The following SLIT3 variants were observed in gnomAD, a reference collection of about 807,000 sequenced individuals.
SLIT3 encodes the protein slit guidance ligand 3, also known as slit homolog 3 protein.
In SLIT3, 68 loss-of-function variants were observed where a neutral mutation model predicts 184.0. That is an observed-to-expected ratio of 0.37 (90% confidence interval 0.30 to 0.45). The LOEUF (loss-of-function observed/expected upper bound fraction) is 0.45. SLIT3 is among the 20% of genes least tolerant of loss of function. SLIT3 has a pLI of 1.00. For missense variants in SLIT3, 1,707 were observed against 2,026.0 expected, an observed-to-expected ratio of 0.84 and a Z score of 3.02; for synonymous variants, 831 against 828.6, an observed-to-expected ratio of 1.00 and a Z score of -0.05.
chr5:168,943,937 C>T (rs1358502344), intron 4 of SLIT3, among the ~76,000 whole-genome samples: 1 of 152,192 alleles, frequency 6.6e-6, no homozygotes, highest in Non-Finnish European at 1.5e-5. Context: ...CTGAACAAAA[C>T]TCCTTGGCGA....
chr5:168,875,688 AAG>A (rs1403526269), intron 5 of SLIT3, among the ~76,000 whole-genome samples: 1 of 151,714 alleles, frequency 6.6e-6, no homozygotes, highest in African/African-American at 2.4e-5. Context: ...GAAAAAGAAA[AAG>A]AAATGAAAGG....
chr5:168,869,940 G>A (rs1257895573), intron 5 of SLIT3, among the ~76,000 whole-genome samples: 2 of 152,264 alleles, frequency 1.3e-5, no homozygotes, highest in African/African-American at 4.8e-5. Context: ...AGCTGTCGGT[G>A]TAAATGGACA....
chr5:169,054,607 G>A (rs1215489286), intron 4 of SLIT3, among the ~76,000 whole-genome samples: 2 of 151,934 alleles, frequency 1.3e-5, no homozygotes, highest in Admixed American at 6.6e-5. Context: ...CCCTTCTTAC[G>A]AGTTTATAAT....
chr5:169,293,098 C>A (rs1482996591), intron 1 of SLIT3, among the ~76,000 whole-genome samples: 1 of 152,166 alleles, frequency 6.6e-6, no homozygotes, highest in Non-Finnish European at 1.5e-5. Context: ...AACTGTACCA[C>A]ATACAGAATA....
intron 1 of SLIT3, among the ~76,000 whole-genome samples, chr5:169,292,268 C>T (rs1767382237): frequency 6.6e-6 from 1 of 152,186 alleles, no homozygotes; most frequent in South Asian, 2.1e-4. Flanking sequence ...CACACATATA[C>T]ATACACATTC....
rs116469295 is a variant in SLIT3 at position 169,143,267 on chromosome 5, T to C, written c.413+50212A>G. The stretch of plus-strand genomic sequence containing the variant: ...GTTACTATTTATTCTGGATTTACAG[T>C]TTGCTAAGGGCATTCCATGGAATGT... On this transcript the variant is annotated intron_variant, in intron 4 of 35. Transcript: ENST00000519560. Among the ~76,000 whole-genome samples, 1,162 of 152,318 alleles carry C rather than the reference T, an allele frequency of 7.6e-3. 17 individuals carry two copies. The highest frequency in any genetic ancestry group is 0.017 in the South Asian group (81 of 4,822).
chr5:168,966,249 T>C (rs1763187589), intron 4 of SLIT3, among the ~76,000 whole-genome samples: 1 of 152,152 alleles, frequency 6.6e-6, no homozygotes, highest in Admixed American at 6.5e-5. Context: ...GCCATGTATG[T>C]AGATTTTTAT....
At chr5:169,165,641 CTTCAAGTCCTT>C (rs1581007800) in intron 4 of SLIT3, among the ~76,000 whole-genome samples, 1 of 152,182 alleles carries the variant, frequency 6.6e-6, no homozygotes, top group African/African-American at 2.4e-5. Flanking sequence ...TTCAAGTCTT[CTTCAAGTCCTT>C]ACTCAAGTGT....
chr5:168,814,230 T>C (rs937065572), intron 8 of SLIT3, among the ~76,000 whole-genome samples: 5 of 152,044 alleles, frequency 3.3e-5, no homozygotes, highest in African/African-American at 1.2e-4. Context: ...ACCCCATCGC[T>C]ACTAAAAATA....
Position 169,276,939 on chromosome 5 carries a change from T to C in SLIT3, c.197+23574A>G, listed in dbSNP as rs186060612. Reference sequence around the variant, plus strand: ...ATATAAGTTTTGCCATTTTAACTATTTTTAAGCGCACAGTTTAGTGGCACT... The same window carrying C: ...ATATAAGTTTTGCCATTTTAACTATCTTTAAGCGCACAGTTTAGTGGCACT... On this transcript the variant is annotated intron_variant, in intron 1 of 35. Transcript: ENST00000519560. Among the ~76,000 whole-genome samples the C allele has an allele frequency of 2.4e-4, 37 of 152,334 alleles. No homozygotes were observed. In the East Asian group the frequency reaches 6.9e-3, roughly 29 times the overall value.
At chr5:168,993,635 A>G (rs1755407874) in intron 4 of SLIT3, among the ~76,000 whole-genome samples, 1 of 152,018 alleles carries the variant, frequency 6.6e-6, no homozygotes, top group Non-Finnish European at 1.5e-5. Context: ...ATTTATGGAA[A>G]GAGTTTCTGT....
At chr5:168,838,057 T>C (rs1487402992) in intron 6 of SLIT3, among the ~76,000 whole-genome samples, 2 of 152,244 alleles carry the variant, frequency 1.3e-5, no homozygotes, top group South Asian at 2.1e-4. Context: ...AGTGTTTCAA[T>C]AACTATGGTT....
chr5:168,861,712 G>A (rs7727754), intron 5 of SLIT3, among the ~76,000 whole-genome samples: 2,628 of 152,236 alleles, frequency 0.017, 80 homozygotes, highest in African/African-American at 0.06. Flanking sequence ...GGTTCCCCAA[G>A]CTGCATGTGG....
intron 4 of SLIT3, among the ~76,000 whole-genome samples, chr5:169,126,150 T>TC (rs1761071815): frequency 6.6e-6 from 1 of 152,368 alleles, no homozygotes; most frequent in African/African-American, 2.4e-5. Flanking sequence ...TCGTTAGACA[T>TC]CAAAGGACCT....
At chr5:169,261,022 A>G (rs1766153489) in intron 1 of SLIT3, among the ~76,000 whole-genome samples, 1 of 152,264 alleles carries the variant, frequency 6.6e-6, no homozygotes, top group Admixed American at 6.5e-5. Flanking sequence ...TAGACAATAT[A>G]TAAATAAATG....
intron 4 of SLIT3, among the ~76,000 whole-genome samples, chr5:169,032,595 T>C (rs1757070152): frequency 7.1e-6 from 1 of 141,074 alleles, no homozygotes; most frequent in East Asian, 2.5e-4. Context: ...CATGTTTTAG[T>C]TTCGTTTTTT....
chr5:169,259,154 C>A (rs541098908), intron 1 of SLIT3, among the ~76,000 whole-genome samples: 2 of 152,274 alleles, frequency 1.3e-5, no homozygotes, highest in Non-Finnish European at 2.9e-5. Context: ...CTCACTGCAA[C>A]CTCCACCTCC....
At chr5:169,057,830 TGAG>T (rs1758057186) in intron 4 of SLIT3, among the ~76,000 whole-genome samples, 1 of 152,094 alleles carries the variant, frequency 6.6e-6, no homozygotes, top group African/African-American at 2.4e-5. Context: ...GTTAAGAAAA[TGAG>T]GAGTGCCCCT....
At chr5:169,220,562 AAG>A (rs1764586580) in intron 3 of SLIT3, among the ~76,000 whole-genome samples, 4 of 152,278 alleles carry the variant, frequency 2.6e-5, no homozygotes, top group Admixed American at 1.3e-4. Context: ...AAGTTTGTAT[AAG>A]AGTAATTTCT....
Sources: gnomAD v4.1 joint callset for allele counts (sites outside exome capture counted in the v4.1 genomes callset) on GRCh38, gnomAD v4.1.1 for gene constraint, MANE v1.5 for transcripts, NCBI Gene and HGNC (gene_info 2026-07-23, HGNC 2026-07-21) for gene names.